TRPC1: variants seen among roughly 807,000 people sequenced by gnomAD.
TRPC1 encodes the protein transient receptor potential cation channel subfamily C member 1, also known as short transient receptor potential channel 1.
Under a neutral mutation model 88.2 loss-of-function variants are expected in TRPC1, and 42 were observed. The ratio of observed to expected loss-of-function variants is 0.48; its 90% CI spans 0.37 to 0.62. The LOEUF is 0.62. TRPC1 is among the 20% of genes least tolerant of loss of function. The probability of loss-of-function intolerance (pLI) is 0.00; values close to 1 mark genes in which losing one functional copy is unlikely to be tolerated. For missense variants in TRPC1, 699 were observed against 957.3 expected (o/e 0.73, Z 3.56); for synonymous variants, 288 against 331.8 (o/e 0.87, Z 1.43).
chr3:142,734,775 AAAAAAT>A (rs1934059165), intron 1 of TRPC1, among the ~76,000 whole-genome samples: 1 of 149,880 alleles, frequency 6.7e-6, no homozygotes. Context: ...TCATCTCTAT[AAAAAAT>A]AAAAATAAAA....
At chr3:142,738,681 A>T (rs1560093777) in intron 2 of TRPC1, among the ~76,000 whole-genome samples, 3 of 152,106 alleles carry the variant, frequency 2.0e-5, no homozygotes, top group Admixed American at 1.3e-4. Context: ...ACAAAAAATT[A>T]TTTGGCCCAA....
At chr3:142,744,604 C>T (rs148596825) in intron 3 of TRPC1, among the ~76,000 whole-genome samples, 240 of 152,164 alleles carry the variant, frequency 1.6e-3, no homozygotes, top group African/African-American at 5.4e-3. Context: ...AAAAATATAA[C>T]GTAGTAAGTG....
chr3:142,744,302 T>C (rs1934459766), intron 3 of TRPC1, among the ~76,000 whole-genome samples: 1 of 152,158 alleles, frequency 6.6e-6, no homozygotes, highest in African/African-American at 2.4e-5. Flanking sequence ...AGTCTCATGC[T>C]ACTAGTGAGG....
intron 1 of TRPC1, among the ~76,000 whole-genome samples, chr3:142,725,940 A>G (rs1307436670): frequency 6.6e-6 from 1 of 152,240 alleles, no homozygotes; most frequent in African/African-American, 2.4e-5. Context: ...CTTATGTAAT[A>G]GTATTAAATA....
intron 4 of TRPC1, among the ~76,000 whole-genome samples, chr3:142,755,138 T>G (rs1934911623): frequency 6.6e-6 from 1 of 152,150 alleles, no homozygotes; most frequent in Admixed American, 6.5e-5. Flanking sequence ...AAATGTTGAG[T>G]CTTGCTGGGC....
intron 7 of TRPC1, among the ~76,000 whole-genome samples, chr3:142,788,825 A>C (rs1478701676): frequency 2.0e-5 from 3 of 152,248 alleles, no homozygotes; most frequent in African/African-American, 7.2e-5. Context: ...GTTTCAACTT[A>C]CTATGTTCTT....
chr3:142,790,726 C>A (rs578085868), intron 7 of TRPC1, among the ~76,000 whole-genome samples: 6 of 151,988 alleles, frequency 3.9e-5, no homozygotes, highest in African/African-American at 1.4e-4. Flanking sequence ...GTGCATGCAT[C>A]CGTGTGTGTG....
chr3:142,779,170 T>G (rs1177820803), intron 5 of TRPC1, among the ~76,000 whole-genome samples: 1 of 152,194 alleles, frequency 6.6e-6, no homozygotes, highest in East Asian at 1.9e-4. Flanking sequence ...GAAGCGATCA[T>G]AGAAACCCAT....
At chr3:142,751,082 A>G (rs1352243898) in intron 4 of TRPC1, among the ~76,000 whole-genome samples, 1 of 152,234 alleles carries the variant, frequency 6.6e-6, no homozygotes, top group Non-Finnish European at 1.5e-5. Flanking sequence ...AGTTTACAAA[A>G]TAAAAAAATT....
In TRPC1 at chr3:142,804,487, T is replaced by A. The variant is rs1233852452; in HGVS notation, c.2011T>A (p.Tyr671Asn). ...KFARAKLWLS[Y>N]FDDKCTLPPP... ...TGCTCGAGCAAAATTATGGCTTAGC[T>A]ACTTTGATGACAAATGTACGTTACC... Residue 671 changes from tyrosine (Y) to asparagine (N), a missense_variant, in exon 12 of 13, where the codon TAC becomes AAC. This residue lies in a region of TRPC1 where 11 missense variants were observed against 47.2 expected (regional missense o/e 0.23). Coordinates refer to ENST00000476941, the MANE Select transcript of TRPC1 (RefSeq NM_001251845.2). The A allele has an allele frequency of 6.2e-7, 1 of 1,613,206 alleles. No individual in the cohort carries two copies. The highest frequency in any genetic ancestry group is 1.7e-5 in the Admixed American group (1 of 59,840).
chr3:142,770,092 CCTT>C (rs1935525438), intron 4 of TRPC1, among the ~76,000 whole-genome samples: 1 of 133,364 alleles, frequency 7.5e-6, no homozygotes, highest in Non-Finnish European at 1.6e-5. Context: ...GTTGTATGTT[CCTT>C]TTTTTTTTTT....
intron 4 of TRPC1, among the ~76,000 whole-genome samples, chr3:142,766,585 T>C (rs540943422): frequency 6.6e-6 from 1 of 151,932 alleles, no homozygotes; most frequent in African/African-American, 2.4e-5. Flanking sequence ...ATTTTTAGTA[T>C]GGCCAGGCTG....
At chr3:142,802,451 T>C (rs1936652107) in intron 10 of TRPC1, 107 bp downstream of exon 10, 1 of 792,314 alleles carries the variant, frequency 1.3e-6, no homozygotes. Context: ...TTTAAGAAAT[T>C]CCTTAGTAAT....
intron 1 of TRPC1, among the ~76,000 whole-genome samples, chr3:142,734,162 A>G (rs1002636615): frequency 2.6e-5 from 4 of 152,188 alleles, no homozygotes; most frequent in African/African-American, 7.2e-5. Context: ...ATACATAACC[A>G]TGGTCCTGCC....
chr3:142,800,693 G>T (rs1018639802), intron 9 of TRPC1, among the ~76,000 whole-genome samples: 1 of 152,054 alleles, frequency 6.6e-6, no homozygotes, highest in African/African-American at 2.4e-5. Flanking sequence ...GAGGTGGGCA[G>T]ATCACTTGAG....
chr3:142,796,573 T>G (rs1201122018), intron 9 of TRPC1, among the ~76,000 whole-genome samples: 12 of 152,052 alleles, frequency 7.9e-5, no homozygotes, highest in South Asian at 2.1e-4. Flanking sequence ...AAAGATGTGA[T>G]TATTATCAGT....
rs545526774 is a variant in TRPC1, at chr3:142,798,558, A to G, written c.1582-3611A>G. On this transcript the variant is annotated intron_variant, in intron 9 of 12. Transcript: ENST00000476941. ...CCTGCCTGGCAAAGGACAAAGGGAA[A>G]GTAACACGCAGAAGCGTGGAGTCCT... Among the ~76,000 whole-genome samples, 3 of 152,338 alleles carry G rather than the reference A, an allele frequency of 2.0e-5. No individual in the cohort carries two copies. In the South Asian group the frequency reaches 6.2e-4, roughly 32 times the overall value.
At chr3:142,785,274 G>T in intron 7 of TRPC1, 2 of 344,820 alleles carry the variant, frequency 5.8e-6, no homozygotes, top group Non-Finnish European at 5.2e-6. Context: ...TAAATACATG[G>T]AATTTTAAAA....
chr3:142,747,544 T>G (rs1455432444), intron 3 of TRPC1, among the ~76,000 whole-genome samples: 1 of 152,172 alleles, frequency 6.6e-6, no homozygotes, highest in Non-Finnish European at 1.5e-5. Flanking sequence ...TGTTTGTGGC[T>G]CAGGCACATT....
Sources: allele counts gnomAD v4.1 joint callset (sites outside exome capture counted in the v4.1 genomes callset), GRCh38; gene constraint gnomAD v4.1.1; regional missense constraint gnomAD v4.1.1; transcripts MANE v1.5; gene names NCBI Gene and HGNC (gene_info 2026-07-23, HGNC 2026-07-21).